The following FERMT1 variants were observed in gnomAD, a reference collection of about 807,000 sequenced individuals.
FERMT1 encodes the protein FERM domain containing kindlin 1.
A neutral mutation model predicts 85.3 loss-of-function variants in FERMT1; 60 were observed. That is an observed-to-expected ratio of 0.70 (90% CI 0.57 to 0.87). The LOEUF is 0.87. FERMT1 is among the 40% of genes least tolerant of loss of function. The pLI is 0.00. For synonymous variants in FERMT1, 275 were observed against 301.1 expected, an observed-to-expected ratio of 0.91 and a Z score of 0.90; for missense variants, 701 against 818.9, an observed-to-expected ratio of 0.86 and a Z score of 1.76.
intron 13 of FERMT1, among the ~76,000 whole-genome samples, chr20:6,082,183 G>A (rs2123094153): frequency 6.6e-6 from 1 of 152,350 alleles, no homozygotes; most frequent in Middle Eastern, 3.4e-3. Flanking sequence ...ATAGAGGGAG[G>A]TGCAGGGGGA....
intron 14 of FERMT1, among the ~76,000 whole-genome samples, chr20:6,077,874 G>A (rs572541326): frequency 6.6e-6 from 1 of 152,056 alleles, no homozygotes; most frequent in South Asian, 2.1e-4. Context: ...AGAGACGGGG[G>A]TTTCACCATG....
rs776438201 is a variant in FERMT1 at position 6,084,176 on chromosome 20, C to T, written c.1594-12G>A. 7.5e-6 allele frequency: 12 copies of T among 1,607,490 alleles called. No homozygotes were observed. Among genetic ancestry groups the T allele is most frequent in the East Asian group, 2.2e-5 (1 of 44,664 alleles). On this transcript the variant is annotated splice_polypyrimidine_tract_variant and intron_variant, in intron 12 of 14. Transcript: ENST00000217289. ...ATCCGGGCGGCCAGCTGAACAGAAA[C>T]AGACATCAACCTCTCTTCACATGCA...
At chr20:6,096,144 A>C (rs1417484190) in intron 8 of FERMT1, among the ~76,000 whole-genome samples, 1 of 152,240 alleles carries the variant, frequency 6.6e-6, no homozygotes, top group Non-Finnish European at 1.5e-5. Context: ...AACTTTTTGC[A>C]ATGTTCCAGA....
chr20:6,080,342 C>G (rs1981960172), intron 13 of FERMT1, among the ~76,000 whole-genome samples: 1 of 152,072 alleles, frequency 6.6e-6, no homozygotes, highest in Admixed American at 6.6e-5. Context: ...GAGACAGGGT[C>G]TTGTTATGTT....
At chr20:6,118,596 C>T (rs1039563984) in intron 2 of FERMT1, among the ~76,000 whole-genome samples, 5 of 152,092 alleles carry the variant, frequency 3.3e-5, no homozygotes, top group Middle Eastern at 3.4e-3. Flanking sequence ...ATGAAAAGCC[C>T]GCATCTAAGG....
chr20:6,083,641 C>T (rs6053891), intron 13 of FERMT1, among the ~76,000 whole-genome samples: 2,452 of 131,878 alleles, frequency 0.019, 93 homozygotes, highest in African/African-American at 0.069. Flanking sequence ...CCAGCCTGGG[C>T]GGCAAAATGA....
At position 6,085,212 on chromosome 20, in the gene FERMT1, G is replaced by T; in HGVS notation, c.1447C>A (p.Gln483Lys). The change falls in exon 12 of 15, where the codon CAG becomes AAG. Residue 483 changes from glutamine to lysine, a missense_variant. Gln to Lys is a moderately conservative substitution (Grantham distance 53). Coordinates refer to ENST00000217289, the MANE Select transcript of FERMT1 (RefSeq NM_017671.5). ...KGKTMADSSY[Q>K]PEVLNILSFL... ...GAAAGGATGTTGAGGACCTCTGGCT[G>T]GTAGGAGCTGTCTGCCATGGTTTTG... The T allele has an allele frequency of 6.2e-7, 1 of 1,614,170 alleles. No homozygotes were observed. The highest frequency in any genetic ancestry group is 8.5e-7 in the Non-Finnish European group (1 of 1,180,028).
chr20:6,084,719 A>T (rs1200506862), intron 12 of FERMT1, among the ~76,000 whole-genome samples: 11 of 149,922 alleles, frequency 7.3e-5, no homozygotes, highest in Non-Finnish European at 5.9e-5. Context: ...TCTGAGACAC[A>T]GTCTTGCTTT....
intron 2 of FERMT1, among the ~76,000 whole-genome samples, 167 bp downstream of exon 2, chr20:6,119,237 G>A (rs1032504542): frequency 1.3e-5 from 2 of 152,122 alleles, no homozygotes; most frequent in Non-Finnish European, 1.5e-5. Flanking sequence ...TGTGAGCCAC[G>A]GCACCCAGCC....
intron 2 of FERMT1, 87 bp downstream of exon 2, chr20:6,119,317 G>A (rs1288210871): frequency 7.7e-7 from 1 of 1,295,184 alleles, no homozygotes; most frequent in Non-Finnish European, 1.1e-6. Flanking sequence ...CAAGATAAAT[G>A]ATCAGAAAAA....
intron 2 of FERMT1, 21 bp downstream of exon 2, chr20:6,119,383 C>T (rs752445393): frequency 8.1e-6 from 13 of 1,613,126 alleles, no homozygotes; most frequent in African/African-American, 5.3e-5. Flanking sequence ...ACAGAGAAAC[C>T]GTAAAGCAAG....
At chr20:6,107,422 G>A (rs1982828814) in intron 6 of FERMT1, 110 bp downstream of exon 6, 1 of 647,148 alleles carries the variant, frequency 1.5e-6, no homozygotes, top group South Asian at 1.6e-5. Flanking sequence ...GGGCTAAACA[G>A]GCGATCACAC....
intron 6 of FERMT1, among the ~76,000 whole-genome samples, chr20:6,105,878 T>G (rs1345622846): frequency 6.6e-6 from 1 of 152,252 alleles, no homozygotes; most frequent in Non-Finnish European, 1.5e-5. Flanking sequence ...GCATATTTTA[T>G]GTATGTGTTA....
At chr20:6,077,735 C>T (rs6107755) in intron 14 of FERMT1, among the ~76,000 whole-genome samples, 37,481 of 151,724 alleles carry the variant, frequency 0.25, 5,470 homozygotes, top group East Asian at 0.59. Context: ...GGCTGGGGTA[C>T]AGTGGCACGA....
chr20:6,112,184 G>A (rs1017253495), intron 4 of FERMT1, among the ~76,000 whole-genome samples: 1 of 151,956 alleles, frequency 6.6e-6, no homozygotes, highest in Non-Finnish European at 1.5e-5. Flanking sequence ...CCAGTTACCT[G>A]TTTTCTAAAT....
At chr20:6,081,759 A>T (rs1220865339) in intron 13 of FERMT1, among the ~76,000 whole-genome samples, 1 of 152,126 alleles carries the variant, frequency 6.6e-6, no homozygotes, top group Non-Finnish European at 1.5e-5. Flanking sequence ...ATGCTGCAGG[A>T]GACAGAAAAG....
chr20:6,112,594 A>G lies in FERMT1; in HGVS notation c.415T>C (p.Leu139=). 6.3e-7 allele frequency: 1 copy of G among 1,594,282 alleles called. No individual in the cohort carries two copies. Among genetic ancestry groups the G allele is most frequent in the East Asian group, 2.2e-5 (1 of 44,710 alleles). Residue 139 remains leucine, a synonymous_variant, in exon 4 of 15, where the codon TTA becomes CTA. Transcript: ENST00000217289. ...NIRRSEELSL[L]KPSGDYFKKK... Reference sequence around the variant, plus strand: ...TTAAAATAGTCACCAGACGGCTTTAACAAGGAAAGCTCTTCTGATCTTCTA... The same window carrying G: ...TTAAAATAGTCACCAGACGGCTTTAGCAAGGAAAGCTCTTCTGATCTTCTA...
At chr20:6,106,716 T>G (rs1982806124) in intron 6 of FERMT1, among the ~76,000 whole-genome samples, 1 of 152,192 alleles carries the variant, frequency 6.6e-6, no homozygotes. Context: ...AAAATAGAAT[T>G]GGTGACCAGC....
rs1983205071 is a variant in FERMT1, at chr20:6,119,495, A to C, written c.60T>G (p.His20Gln). 6.2e-7 allele frequency: 1 copy of C among 1,614,106 alleles called. No homozygotes were observed. Among genetic ancestry groups the C allele is most frequent in the Middle Eastern group, 1.6e-4 (1 of 6,062 alleles). The change falls in exon 2 of 15, where the codon CAT becomes CAG. Residue 20 changes from histidine to glutamine, a missense_variant. By Grantham distance (24) the His-to-Gln change is conservative (BLOSUM62 0). Transcript: ENST00000217289. ...ASWELVVRVD[H>Q]PNEEQQKDVT... ...CGTCTTTCTGCTGCTCTTCATTGGG[A>C]TGGTCAACGCGGACCACAAGCTCCC...
Sources: gnomAD v4.1 joint callset for allele counts (sites outside exome capture counted in the v4.1 genomes callset) on GRCh38, gnomAD v4.1.1 for gene constraint, MANE v1.5 for transcripts, NCBI Gene and HGNC (gene_info 2026-07-23, HGNC 2026-07-21) for gene names.